RALA: variants seen among roughly 807,000 people sequenced by gnomAD.
RALA encodes the protein ras-related protein Ral-A.
In RALA, 5 loss-of-function variants were observed where a neutral mutation model predicts 24.0. The observed-to-expected ratio is 0.21, with a 90% CI of 0.11 to 0.44. The LOEUF (loss-of-function observed/expected upper bound fraction) is 0.44, where lower values mean the gene tolerates loss of function less well. RALA is among the 20% of genes least tolerant of loss of function. RALA has a pLI of 0.99. For synonymous variants in RALA, 77 were observed against 83.8 expected, an observed-to-expected ratio of 0.92 and a Z score of 0.44; for missense variants, 95 against 241.2, an observed-to-expected ratio of 0.39 and a Z score of 4.01.
chr7:39,697,570 G>A (rs1792944419), intron 4 of RALA: 3 of 381,364 alleles, frequency 7.9e-6, no homozygotes, highest in South Asian at 5.8e-5. Flanking sequence ...AAGTATCTAG[G>A]CTCTATAGTG....
At chr7:39,672,572 GCTTTA>G (rs1308790775) in intron 1 of RALA, among the ~76,000 whole-genome samples, 1 of 150,258 alleles carries the variant, frequency 6.7e-6, no homozygotes, top group Non-Finnish European at 1.5e-5. Flanking sequence ...GTTTATGACA[GCTTTA>G]CTTATAAAAT....
chr7:39,682,835 G>A (rs1170033955), intron 1 of RALA, among the ~76,000 whole-genome samples: 1 of 152,036 alleles, frequency 6.6e-6, no homozygotes, highest in African/African-American at 2.4e-5. Flanking sequence ...TAGTAGATGT[G>A]GGGTTTCACC....
chr7:39,640,596 TG>T (rs1333930102), intron 1 of RALA, among the ~76,000 whole-genome samples: 1 of 152,260 alleles, frequency 6.6e-6, no homozygotes, highest in Non-Finnish European at 1.5e-5. Context: ...TATGTTTTTT[TG>T]TAATGATGTT....
At chr7:39,635,986 C>CT (rs1443821657) in intron 1 of RALA, among the ~76,000 whole-genome samples, 1 of 152,146 alleles carries the variant, frequency 6.6e-6, no homozygotes, top group East Asian at 1.9e-4. Flanking sequence ...TGTCTGGCTA[C>CT]TTTCACCTAA....
At chr7:39,626,818 A>T (rs1300436682) in intron 1 of RALA, among the ~76,000 whole-genome samples, 1 of 152,260 alleles carries the variant, frequency 6.6e-6, no homozygotes, top group African/African-American at 2.4e-5. Flanking sequence ...ACTAATGGAA[A>T]TGGGGGAGAA....
At chr7:39,674,041 G>GTAAAAAAAAAAAAAAATAAA (rs751747445) in intron 1 of RALA, among the ~76,000 whole-genome samples, 6 of 48,894 alleles carry the variant, frequency 1.2e-4, no homozygotes, top group Non-Finnish European at 2.0e-4. Context: ...GGCATGCACT[G>GTAAAAAAAAAAAAAAATAAA]TAAATAAATA....
chr7:39,630,617 A>T (rs1367538033), intron 1 of RALA, among the ~76,000 whole-genome samples: 2 of 152,192 alleles, frequency 1.3e-5, no homozygotes, highest in Non-Finnish European at 2.9e-5. Context: ...AAATTCACAC[A>T]TGCTTTCTTC....
chr7:39,696,899 G>C, intron 4 of RALA, 40 bp downstream of exon 4: 1 of 1,557,152 alleles, frequency 6.4e-7, no homozygotes, highest in Non-Finnish European at 8.7e-7. Flanking sequence ...TGTTAAAATA[G>C]GTTGGTTTGC....
At chr7:39,672,552 G>C (rs1284101620) in intron 1 of RALA, among the ~76,000 whole-genome samples, 2 of 151,118 alleles carry the variant, frequency 1.3e-5, no homozygotes, top group Non-Finnish European at 2.9e-5. Context: ...GTGTAGACCT[G>C]TACACAAAAG....
At chr7:39,696,920 C>A in intron 4 of RALA, 61 bp downstream of exon 4, 1 of 1,461,730 alleles carries the variant, frequency 6.8e-7, no homozygotes, top group South Asian at 1.3e-5. Context: ...TTTAACTTGG[C>A]TCCATTTTGT....
intron 1 of RALA, among the ~76,000 whole-genome samples, chr7:39,633,582 G>GA (rs1311916691): frequency 1.3e-5 from 2 of 152,208 alleles, no homozygotes; most frequent in Admixed American, 6.5e-5. Context: ...GTGGGGTTAT[G>GA]GCGATTATAA....
At chr7:39,652,672 A>G (rs1432828775) in intron 1 of RALA, among the ~76,000 whole-genome samples, 1 of 152,236 alleles carries the variant, frequency 6.6e-6, no homozygotes, top group East Asian at 1.9e-4. Flanking sequence ...GAAAAGTTTT[A>G]CAGAGGTTTG....
At chr7:39,689,413 A>C (rs1193315101) in intron 2 of RALA, among the ~76,000 whole-genome samples, 1 of 152,242 alleles carries the variant, frequency 6.6e-6, no homozygotes, top group East Asian at 1.9e-4. Flanking sequence ...TTATTTATTG[A>C]GTATCTCCCA....
chr7:39,628,958 T>C (rs1791545757), intron 1 of RALA, among the ~76,000 whole-genome samples: 1 of 152,238 alleles, frequency 6.6e-6, no homozygotes, highest in Non-Finnish European at 1.5e-5. Context: ...CTAAAATCAG[T>C]AACTTTCATT....
chr7:39,690,529 G>T lies in RALA; in HGVS notation c.262G>T (p.Gly88Trp). 6.2e-7 allele frequency: 1 copy of T among 1,613,952 alleles called. No individual in the cohort carries two copies. The highest frequency in any genetic ancestry group is 8.5e-7 in the Non-Finnish European group (1 of 1,179,924). Residue 88 changes from glycine (G) to tryptophan (W), a missense_variant, in exon 3 of 5, where the codon GGG becomes TGG. Coordinates refer to ENST00000005257, the MANE Select transcript of RALA (RefSeq NM_005402.4). ...IRDNYFRSGE[G>W]FLCVFSITEM... ...AGACAACTACTTCCGAAGTGGGGAG[G>T]GGTTCCTCTGTGTTTTCTCTATTAC...
At chr7:39,634,176 TGGTA>T (rs928362736) in intron 1 of RALA, among the ~76,000 whole-genome samples, 4 of 152,136 alleles carry the variant, frequency 2.6e-5, no homozygotes, top group African/African-American at 2.4e-5. Context: ...CCAGGAGTGC[TGGTA>T]GGTAGAGTAT....
chr7:39,686,155 G>C (rs1298003984), intron 1 of RALA, among the ~76,000 whole-genome samples: 1 of 146,646 alleles, frequency 6.8e-6, no homozygotes, highest in African/African-American at 2.5e-5. Context: ...ACAGTAAGCC[G>C]AGATCACGCC....
rs142009979 is a variant in RALA at position 39,679,542 on chromosome 7, C to T, written c.-37-7089C>T. ...TTCTGTGACTATTCATATTTTTTGC[C>T]CAATTTCCTGCAGTTTTTTATTTAT... On this transcript the variant is annotated intron_variant, in intron 1 of 4. Transcript: ENST00000005257. Among the ~76,000 whole-genome samples the T allele has an allele frequency of 1.3e-3, 193 of 152,046 alleles. 1 individual carries two copies. Among genetic ancestry groups the T allele is most frequent in the African/African-American group, 4.4e-3 (182 of 41,480 alleles).
chr7:39,685,781 AGTT>A (rs1390088748), intron 1 of RALA, among the ~76,000 whole-genome samples: 1 of 152,114 alleles, frequency 6.6e-6, no homozygotes, highest in Non-Finnish European at 1.5e-5. Context: ...TCTACCACCA[AGTT>A]GTTGGGATGG....
Sources: allele counts gnomAD v4.1 joint callset (sites outside exome capture counted in the v4.1 genomes callset), GRCh38; gene constraint gnomAD v4.1.1; transcripts MANE v1.5; gene names NCBI Gene and HGNC (gene_info 2026-07-23, HGNC 2026-07-21).